Variants in LRMDA observed in about 807,000 individuals in gnomAD.
The protein encoded by LRMDA is leucine rich melanocyte differentiation associated.
LRMDA carries 18 observed loss-of-function variants against 29.8 expected under a neutral mutation model. That is an observed-to-expected ratio of 0.60 (90% CI 0.42 to 0.90). The LOEUF is 0.90. Ranked by LOEUF, LRMDA falls within the 40% of genes least tolerant of loss-of-function variation. LRMDA has a pLI of 0.00. For missense variants in LRMDA, 273 were observed against 273.9 expected (o/e 1.00, Z 0.02); for synonymous variants, 125 against 109.4 (o/e 1.14, Z -0.89).
chr10:75,837,746 T>C (rs1844465310), intron 2 of LRMDA, among the ~76,000 whole-genome samples: 2 of 144,060 alleles, frequency 1.4e-5, no homozygotes, highest in African/African-American at 4.9e-5. Context: ...CTATCTACTA[T>C]TTACACATTA....
intron 5 of LRMDA, among the ~76,000 whole-genome samples, chr10:76,248,991 C>T (rs1247483): frequency 0.19 from 29,577 of 152,098 alleles, 3,665 homozygotes; most frequent in Non-Finnish European, 0.29. Flanking sequence ...TAACCATGTT[C>T]CTTACAGCCT....
chr10:76,365,085 C>CACACAT (rs1272382582), intron 6 of LRMDA, among the ~76,000 whole-genome samples: 1 of 69,726 alleles, frequency 1.4e-5, no homozygotes, highest in African/African-American at 4.4e-5. Context: ...CACACACACA[C>CACACAT]ATATATATAT....
At chr10:76,087,141 C>T (rs779860780) in intron 5 of LRMDA, among the ~76,000 whole-genome samples, 2 of 152,184 alleles carry the variant, frequency 1.3e-5, no homozygotes, top group Non-Finnish European at 2.9e-5. Flanking sequence ...GGGCGGGTGG[C>T]ATGCCAGTGC....
chr10:76,093,974 T>C (rs938897983), intron 5 of LRMDA, among the ~76,000 whole-genome samples: 2 of 152,196 alleles, frequency 1.3e-5, no homozygotes, highest in Non-Finnish European at 1.5e-5. Context: ...TCCGCCAAAA[T>C]GCTCAGAGGT....
chr10:76,196,897 G>T (rs1033721097), intron 5 of LRMDA, among the ~76,000 whole-genome samples: 1 of 152,178 alleles, frequency 6.6e-6, no homozygotes, highest in African/African-American at 2.4e-5. Context: ...TTGTCTTCTG[G>T]TGGTAGGGTC....
At chr10:76,262,377 A>T (rs189408285) in intron 5 of LRMDA, among the ~76,000 whole-genome samples, 4 of 152,130 alleles carry the variant, frequency 2.6e-5, no homozygotes, top group Non-Finnish European at 5.9e-5. Flanking sequence ...TCTCATCAAC[A>T]TGCTTTATTT....
chr10:76,256,671 G>A (rs1044324033), intron 5 of LRMDA, among the ~76,000 whole-genome samples: 15 of 152,148 alleles, frequency 9.9e-5, no homozygotes, highest in Admixed American at 7.2e-4. Flanking sequence ...TAAGTTCTAA[G>A]TAATTGCCAG....
intron 5 of LRMDA, among the ~76,000 whole-genome samples, chr10:76,195,385 C>G (rs61862715): frequency 1.3e-5 from 2 of 152,158 alleles, no homozygotes; most frequent in Non-Finnish European, 2.9e-5. Context: ...GCATAATGTG[C>G]CTTTTGAGGG....
At chr10:75,930,273 TGGAG>T (rs1564610017) in intron 2 of LRMDA, among the ~76,000 whole-genome samples, 3 of 152,220 alleles carry the variant, frequency 2.0e-5, no homozygotes, top group Non-Finnish European at 2.9e-5. Context: ...AAAATGAGAA[TGGAG>T]GAAGGGCAAG....
rs539238909 is a variant in LRMDA at position 75,553,732 on chromosome 10, G to A, written c.131+115238G>A. Among the ~76,000 whole-genome samples, 5 of 152,090 alleles carry A rather than the reference G, an allele frequency of 3.3e-5. No individual in the cohort carries two copies. In the South Asian group the frequency reaches 8.3e-4, roughly 25 times the overall value. On this transcript the variant is annotated intron_variant, in intron 2 of 6. Transcript: ENST00000611255. Reference sequence around the variant, plus strand: ...AAGCGCACCTTTTAAGGAGGAAGTGGCTTCCTCCTTAGTGGCTTATGACTT... The same window carrying A: ...AAGCGCACCTTTTAAGGAGGAAGTGACTTCCTCCTTAGTGGCTTATGACTT...
At chr10:76,267,291 C>G (rs1328201370) in intron 5 of LRMDA, among the ~76,000 whole-genome samples, 2 of 152,008 alleles carry the variant, frequency 1.3e-5, no homozygotes, top group Non-Finnish European at 2.9e-5. Flanking sequence ...CAATTTTTGA[C>G]ATATTACACT....
chr10:76,389,244 G>C (rs554403276), intron 6 of LRMDA, among the ~76,000 whole-genome samples: 1 of 152,232 alleles, frequency 6.6e-6, no homozygotes, highest in East Asian at 1.9e-4. Context: ...TCAGGCAATT[G>C]CAAGTTGCTC....
At chr10:76,127,214 A>T (rs905467379) in intron 5 of LRMDA, among the ~76,000 whole-genome samples, 2 of 152,204 alleles carry the variant, frequency 1.3e-5, no homozygotes, top group African/African-American at 4.8e-5. Context: ...CTTAATAAGT[A>T]TGTTGTCTCA....
chr10:76,006,591 A>G (rs2132474456), intron 2 of LRMDA, among the ~76,000 whole-genome samples: 1 of 152,284 alleles, frequency 6.6e-6, no homozygotes, highest in African/African-American at 2.4e-5. Context: ...TCTACAACCA[A>G]TCTAGGGGAA....
chr10:76,439,920 T>C (rs1842283648), intron 6 of LRMDA, among the ~76,000 whole-genome samples: 1 of 152,220 alleles, frequency 6.6e-6, no homozygotes, highest in African/African-American at 2.4e-5. Flanking sequence ...GTTTTCGAAC[T>C]GTAGGGTATA....
chr10:75,857,013 T>C (rs1251123324), intron 2 of LRMDA, among the ~76,000 whole-genome samples: 1 of 152,096 alleles, frequency 6.6e-6, no homozygotes, highest in South Asian at 2.1e-4. Flanking sequence ...TGTGCAAAAA[T>C]CACAAGCATT....
At chr10:76,201,912 A>T (rs11001684) in intron 5 of LRMDA, among the ~76,000 whole-genome samples, 8,171 of 152,228 alleles carry the variant, frequency 0.054, 288 homozygotes, top group South Asian at 0.088. Flanking sequence ...TTGCAATCAG[A>T]GCGGTCCTGG....
intron 3 of LRMDA, among the ~76,000 whole-genome samples, chr10:76,044,159 G>C (rs954289387): frequency 2.0e-5 from 3 of 152,318 alleles, no homozygotes; most frequent in African/African-American, 7.2e-5. Flanking sequence ...GCCTGATCCA[G>C]ACATGAGTTC....
intron 5 of LRMDA, among the ~76,000 whole-genome samples, chr10:76,103,350 A>C (rs1397698693): frequency 6.6e-6 from 1 of 152,232 alleles, no homozygotes; most frequent in Non-Finnish European, 1.5e-5. Flanking sequence ...TTGCATGACA[A>C]GAAGTGCTTC....
Sources: gnomAD v4.1 joint callset for allele counts (sites outside exome capture counted in the v4.1 genomes callset) on GRCh38, gnomAD v4.1.1 for gene constraint, MANE v1.5 for transcripts, NCBI Gene and HGNC (gene_info 2026-07-23, HGNC 2026-07-21) for gene names.